The following RIMS1 variants were observed in gnomAD, a reference collection of about 807,000 sequenced individuals.
RIMS1 encodes regulating synaptic membrane exocytosis 1.
A neutral mutation model predicts 214.1 loss-of-function variants in RIMS1; 83 were observed. The ratio of observed to expected loss-of-function variants is 0.39; its 90% CI spans 0.32 to 0.47. RIMS1 has a LOEUF of 0.47. RIMS1 is among the 20% of genes least tolerant of loss of function. RIMS1 has a pLI of 0.99. For synonymous variants in RIMS1, 793 were observed against 786.8 expected, an observed-to-expected ratio of 1.01 and a Z score of -0.13; for missense variants, 2,050 against 2,161.8, an observed-to-expected ratio of 0.95 and a Z score of 1.03.
At chr6:71,945,560 A>G (rs1425871454) in intron 1 of RIMS1, among the ~76,000 whole-genome samples, 1 of 152,124 alleles carries the variant, frequency 6.6e-6, no homozygotes, top group African/African-American at 2.4e-5. Context: ...AGCTAACATC[A>G]TACTCACCAG....
At chr6:72,190,639 A>G (rs1208911519) in intron 6 of RIMS1, among the ~76,000 whole-genome samples, 1 of 152,068 alleles carries the variant, frequency 6.6e-6, no homozygotes, top group South Asian at 2.1e-4. Context: ...ATGAGACCAT[A>G]GGTGCATGCT....
intron 1 of RIMS1, among the ~76,000 whole-genome samples, chr6:71,923,587 G>T (rs1350904204): frequency 1.3e-5 from 2 of 150,320 alleles, no homozygotes; most frequent in African/African-American, 4.9e-5. Context: ...TTTTTTTTGA[G>T]ACAGAGTTTC....
intron 29 of RIMS1, among the ~76,000 whole-genome samples, chr6:72,356,381 G>A (rs1043288611): frequency 7.9e-5 from 12 of 152,052 alleles, no homozygotes; most frequent in African/African-American, 2.9e-4. Flanking sequence ...GGGAAGTAGT[G>A]CATATCTCCA....
chr6:71,937,522 G>C (rs1199168374), intron 1 of RIMS1, among the ~76,000 whole-genome samples: 1 of 152,124 alleles, frequency 6.6e-6, no homozygotes, highest in Admixed American at 6.5e-5. Flanking sequence ...CAAAGTGCTG[G>C]GATTACAGTG....
At chr6:72,175,992 C>T (rs2047650297) in intron 4 of RIMS1, among the ~76,000 whole-genome samples, 1 of 152,076 alleles carries the variant, frequency 6.6e-6, no homozygotes, top group East Asian at 1.9e-4. Flanking sequence ...GCAGTTACAG[C>T]AAAAGGTCAG....
chr6:72,040,287 G>T (rs2152077418), intron 2 of RIMS1, among the ~76,000 whole-genome samples: 1 of 152,152 alleles, frequency 6.6e-6, no homozygotes, highest in East Asian at 1.9e-4. Context: ...CTGGTGTCCA[G>T]TTACAGTTTT....
At chr6:72,279,661 G>A (rs1057301950) in intron 23 of RIMS1, among the ~76,000 whole-genome samples, 5 of 152,004 alleles carry the variant, frequency 3.3e-5, no homozygotes, top group Admixed American at 1.3e-4. Context: ...TTGTTCACTC[G>A]TGCCCAGGGA....
chr6:72,269,917 C>T (rs536363542), intron 22 of RIMS1, among the ~76,000 whole-genome samples: 2 of 152,278 alleles, frequency 1.3e-5, no homozygotes, highest in South Asian at 2.1e-4. Flanking sequence ...TAAAACCCTT[C>T]TTAACCTCCT....
intron 6 of RIMS1, among the ~76,000 whole-genome samples, chr6:72,211,737 A>G (rs2053841893): frequency 6.6e-6 from 1 of 152,122 alleles, no homozygotes; most frequent in Admixed American, 6.5e-5. Context: ...AGGAATTTCT[A>G]AGATATTATA....
intron 28 of RIMS1, among the ~76,000 whole-genome samples, chr6:72,329,797 G>T (rs2096597720): frequency 6.6e-6 from 1 of 151,644 alleles, no homozygotes; most frequent in Admixed American, 6.6e-5. Flanking sequence ...GGGTAGATGG[G>T]TGCCTATAAT....
chr6:72,366,431 T>C lies in RIMS1; in HGVS notation c.4367-24167T>C, dbSNP rs183743204. Among the ~76,000 whole-genome samples the C allele has an allele frequency of 1.6e-4, 25 of 152,364 alleles. No individual in the cohort carries two copies. In the East Asian group the frequency reaches 2.3e-3, roughly 14 times the overall value. ...TTACCTAATTGGAGAAGCTATATTATATTCAATAAAGTAGGCAACATATTT... is the reference window on the plus strand; with the variant it reads ...TTACCTAATTGGAGAAGCTATATTACATTCAATAAAGTAGGCAACATATTT... On this transcript the variant is annotated intron_variant, in intron 29 of 33. Coordinates refer to ENST00000521978, the MANE Select transcript of RIMS1 (RefSeq NM_014989.7).
intron 19 of RIMS1, chr6:72,262,728 A>G (rs561076459): frequency 2.6e-6 from 2 of 769,682 alleles, no homozygotes; most frequent in East Asian, 1.3e-4. Flanking sequence ...TATCAATAAT[A>G]TAGTTTGGTT....
intron 18 of RIMS1, among the ~76,000 whole-genome samples, chr6:72,260,014 A>G (rs1194206385): frequency 6.6e-6 from 1 of 152,126 alleles, no homozygotes; most frequent in African/African-American, 2.4e-5. Flanking sequence ...ATGGAGTCAC[A>G]ATAGGTACTA....
At chr6:72,139,060 A>G (rs1265834637) in intron 4 of RIMS1, among the ~76,000 whole-genome samples, 1 of 152,214 alleles carries the variant, frequency 6.6e-6, no homozygotes, top group Non-Finnish European at 1.5e-5. Context: ...ATGTATATAT[A>G]TGTAGATACA....
intron 2 of RIMS1, among the ~76,000 whole-genome samples, chr6:72,018,365 A>T (rs1378430954): frequency 6.6e-6 from 1 of 152,060 alleles, no homozygotes; most frequent in Non-Finnish European, 1.5e-5. Context: ...TGAGATGGGG[A>T]CGACTTTTAA....
intron 23 of RIMS1, among the ~76,000 whole-genome samples, chr6:72,275,731 C>CA (rs1212486817): frequency 6.6e-6 from 1 of 151,912 alleles, no homozygotes; most frequent in Non-Finnish European, 1.5e-5. Context: ...AGAGTCTTCT[C>CA]AAAAAAGAAT....
intron 4 of RIMS1, among the ~76,000 whole-genome samples, chr6:72,159,839 G>C (rs1421446309): frequency 7.1e-6 from 1 of 139,928 alleles, no homozygotes; most frequent in African/African-American, 2.5e-5. Flanking sequence ...CTCCAGCTTT[G>C]TTCTTTTGGC....
intron 4 of RIMS1, among the ~76,000 whole-genome samples, chr6:72,121,759 T>C (rs147868014): frequency 0.052 from 7,883 of 152,044 alleles, 430 homozygotes; most frequent in Middle Eastern, 0.092. Context: ...TTCCAGTTTT[T>C]GCCCATTCAG....
In RIMS1 at chr6:72,400,000, T is replaced by C. The variant is rs116047804; in HGVS notation, c.4861-496T>C. Among the ~76,000 whole-genome samples the C allele has an allele frequency of 3.6e-3, 541 of 152,264 alleles. 4 individuals carry two copies. Among genetic ancestry groups the C allele is most frequent in the African/African-American group, 0.013 (529 of 41,544 alleles). The stretch of plus-strand genomic sequence containing the variant: ...ATTATTTTTTGACCTACCCCTTCAC[T>C]AAAAAGACCATAATACGAAAGAAAT... On this transcript the variant is annotated intron_variant, in intron 33 of 33. Coordinates refer to ENST00000521978, the MANE Select transcript of RIMS1 (RefSeq NM_014989.7).
Sources: allele counts gnomAD v4.1 joint callset (sites outside exome capture counted in the v4.1 genomes callset), GRCh38; gene constraint gnomAD v4.1.1; transcripts MANE v1.5; gene names NCBI Gene and HGNC (gene_info 2026-07-23, HGNC 2026-07-21).